Variants in CLEC16A observed in about 807,000 individuals in gnomAD.
CLEC16A encodes protein CLEC16A.
A neutral mutation model predicts 109.5 loss-of-function variants in CLEC16A; 51 were observed. The observed-to-expected ratio is 0.47, with a 90% confidence interval of 0.37 to 0.59. The LOEUF (loss-of-function observed/expected upper bound fraction) is 0.59, where lower values mean the gene tolerates loss of function less well. Ranked by LOEUF, CLEC16A falls within the 20% of genes least tolerant of loss-of-function variation. CLEC16A has a pLI of 0.00. For missense variants in CLEC16A, 1,339 were observed against 1,394.0 expected (o/e 0.96, Z 0.63); for synonymous variants, 673 against 564.2 (o/e 1.19, Z -2.73).
Position 11,142,477 on chromosome 16 carries a change from G to C in CLEC16A, c.2641+16331G>C, listed in dbSNP as rs1255186345. Among the ~76,000 whole-genome samples the C allele has an allele frequency of 3.9e-5, 6 of 152,242 alleles. 1 individual carries two copies. In the East Asian group the frequency reaches 1.2e-3, roughly 29 times the overall value. Reference sequence around the variant, plus strand: ...GAGCCGAGTGGCATTTGCCCGATAGGTGTGATGTGTCAACAGCTTTTTCTC... The same window carrying C: ...GAGCCGAGTGGCATTTGCCCGATAGCTGTGATGTGTCAACAGCTTTTTCTC... On this transcript the variant is annotated intron_variant, in intron 22 of 23. Coordinates refer to ENST00000409790, the MANE Select transcript of CLEC16A (RefSeq NM_015226.3).
rs2068905683 is a variant in CLEC16A, at chr16:11,179,902, C to T, written c.*1212C>T. On this transcript the variant is annotated 3_prime_UTR_variant, in exon 24 of 24. Coordinates refer to ENST00000409790, the MANE Select transcript of CLEC16A (RefSeq NM_015226.3). The stretch of plus-strand genomic sequence containing the variant: ...GTGTGTACAAGCAAGGACCCAGATG[C>T]ATCAGACACAGCCCCCAAGATGTTC... The T allele has an allele frequency of 2.6e-5, 4 of 152,576 alleles. No individual in the cohort carries two copies. The allele number at this position is 152,576 out of a possible 1,614,324, so 9.5% of individuals were successfully genotyped here. A position where few individuals can be genotyped will look rare whatever the true frequency, so the allele number is the denominator to read the frequency against.
chr16:11,075,557 C>T (rs2049324117), intron 19 of CLEC16A, among the ~76,000 whole-genome samples: 1 of 152,002 alleles, frequency 6.6e-6, no homozygotes, highest in Admixed American at 6.6e-5. Flanking sequence ...CCACCTTAGC[C>T]TCTAGAGTAG....
At chr16:11,133,115 T>A (rs1418745420) in intron 22 of CLEC16A, among the ~76,000 whole-genome samples, 5 of 152,082 alleles carry the variant, frequency 3.3e-5, no homozygotes, top group African/African-American at 1.2e-4. Flanking sequence ...AACTCCCCTG[T>A]ATCACCTGAG....
intron 23 of CLEC16A, among the ~76,000 whole-genome samples, chr16:11,171,112 G>A (rs1397222401): frequency 6.6e-6 from 1 of 152,226 alleles, no homozygotes; most frequent in African/African-American, 2.4e-5. Flanking sequence ...GCCGTGGGCA[G>A]GGGGGAGGAC....
intron 16 of CLEC16A, among the ~76,000 whole-genome samples, chr16:11,045,086 A>G (rs2047565506): frequency 6.6e-6 from 1 of 151,090 alleles, no homozygotes; most frequent in Non-Finnish European, 1.5e-5. Context: ...CATGCCTATA[A>G]TCAATCCCAG....
At chr16:11,067,194 T>C (rs534840994) in intron 19 of CLEC16A, among the ~76,000 whole-genome samples, 7 of 146,084 alleles carry the variant, frequency 4.8e-5, no homozygotes, top group South Asian at 4.5e-4. Flanking sequence ...TTTTTGTTTT[T>C]TTTTTTTTTT....
intron 22 of CLEC16A, chr16:11,136,198 C>T (rs1192348995): frequency 6.6e-6 from 1 of 152,206 alleles, no homozygotes; most frequent in Non-Finnish European, 1.5e-5. Context: ...CCATTTGGTT[C>T]ACCTTGTTGG....
chr16:11,105,971 C>G (rs761280516), intron 19 of CLEC16A, among the ~76,000 whole-genome samples: 6 of 152,206 alleles, frequency 3.9e-5, no homozygotes, highest in Non-Finnish European at 7.3e-5. Context: ...TCCATCCAAA[C>G]TCTTTCCATT....
rs1432357534 is a variant in CLEC16A at position 10,972,843 on chromosome 16, G to A, written c.605-95G>A. ...TATAGCAGAGGGCTTTTTCATTGTGGTTTTTGGGTTTTGCTTTGTTTTTGT... is the reference window on the plus strand; with the variant it reads ...TATAGCAGAGGGCTTTTTCATTGTGATTTTTGGGTTTTGCTTTGTTTTTGT... On this transcript the variant is annotated intron_variant, in intron 6 of 23. Coordinates refer to ENST00000409790, the MANE Select transcript of CLEC16A (RefSeq NM_015226.3). 4 of 1,334,394 alleles carry A rather than the reference G, an allele frequency of 3.0e-6. No individual in the cohort carries two copies. In the African/African-American group the frequency reaches 4.5e-5, roughly 15 times the overall value. The allele number at this position is 1,334,394 out of a possible 1,614,324, so 82.7% of individuals were successfully genotyped here.
chr16:11,003,214 A>G lies in CLEC16A; in HGVS notation c.1212A>G (p.Lys404=), dbSNP rs2044774124. 1.9e-6 allele frequency: 3 copies of G among 1,613,374 alleles called. No homozygotes were observed. The change falls in exon 11 of 24, where the codon AAA becomes AAG. Residue 404 remains lysine (K), a synonymous_variant. Coordinates refer to ENST00000409790, the MANE Select transcript of CLEC16A (RefSeq NM_015226.3). ...TTGGGGAAGAAGAAGATGAGGAGAA[A>G]GGGCCCACCGAGGATGCCCAAGAAG... The part of the protein sequence containing the change: ...KNVGEEEDEE[K]GPTEDAQEDA...
chr16:11,035,287 G>C (rs1188129632), intron 13 of CLEC16A, among the ~76,000 whole-genome samples: 1 of 152,108 alleles, frequency 6.6e-6, no homozygotes, highest in African/African-American at 2.4e-5. Context: ...TCATATGGTG[G>C]CTTCTATTTT....
chr16:11,156,395 A>C (rs899771420), intron 22 of CLEC16A, among the ~76,000 whole-genome samples: 1 of 150,436 alleles, frequency 6.6e-6, no homozygotes, highest in Admixed American at 6.6e-5. Context: ...AAACACAACT[A>C]ATCTGCCACT....
At chr16:10,967,721 G>A (rs1425407807) in intron 3 of CLEC16A, among the ~76,000 whole-genome samples, 1 of 152,172 alleles carries the variant, frequency 6.6e-6, no homozygotes, top group Non-Finnish European at 1.5e-5. Context: ...TACTTCATGA[G>A]GAAGTTTTGG....
rs1007460252 is a variant in CLEC16A, at chr16:10,971,372, C to T, written c.598+142C>T. The stretch of plus-strand genomic sequence containing the variant: ...CCGTGGCAGCTTCTCTCATGAAAAA[C>T]TTGGAATCCCCTAGCATTTAGCTGG... On this transcript the variant is annotated intron_variant, in intron 5 of 23. Transcript: ENST00000409790. 2.2e-5 allele frequency: 18 copies of T among 824,438 alleles called. No individual in the cohort carries two copies. The African/African-American group carries it at 2.6e-4, about 12-fold the overall frequency. 51.1% of individuals were successfully genotyped at this position (824,438 alleles called of 1,614,324 possible). A position where few individuals can be genotyped will look rare whatever the true frequency, so the allele number is the denominator to read the frequency against.
At chr16:11,084,725 G>A (rs992990690) in intron 19 of CLEC16A, among the ~76,000 whole-genome samples, 2 of 152,204 alleles carry the variant, frequency 1.3e-5, no homozygotes, top group African/African-American at 2.4e-5. Context: ...AACTGGAAAG[G>A]TCAATCGACA....
chr16:11,075,675 G>A (rs569824418), intron 19 of CLEC16A, among the ~76,000 whole-genome samples: 6 of 152,102 alleles, frequency 3.9e-5, no homozygotes, highest in Non-Finnish European at 7.4e-5. Context: ...GGGCTCAAGC[G>A]GTCCTCTTGC....
chr16:11,103,888 A>G (rs373749292), intron 19 of CLEC16A, among the ~76,000 whole-genome samples: 6 of 152,264 alleles, frequency 3.9e-5, no homozygotes, highest in African/African-American at 9.6e-5. Flanking sequence ...CTTCCCCACA[A>G]CTGGCCTATG....
chr16:11,054,358 G>A (rs969814002), intron 18 of CLEC16A, among the ~76,000 whole-genome samples: 12 of 152,206 alleles, frequency 7.9e-5, no homozygotes, highest in Admixed American at 1.3e-4. Flanking sequence ...CAGAGTTATC[G>A]TGAGGACTCG....
intron 11 of CLEC16A, among the ~76,000 whole-genome samples, chr16:11,012,321 C>T (rs1364622377): frequency 6.6e-6 from 1 of 152,164 alleles, no homozygotes; most frequent in Non-Finnish European, 1.5e-5. Context: ...ATGGGCCGGG[C>T]ACGGTGGCTT....
Sources: allele counts gnomAD v4.1 joint callset (sites outside exome capture counted in the v4.1 genomes callset), GRCh38; gene constraint gnomAD v4.1.1; transcripts MANE v1.5; gene names NCBI Gene and HGNC (gene_info 2026-07-23, HGNC 2026-07-21).